COBLL1: variants seen among roughly 807,000 people sequenced by gnomAD.
COBLL1 encodes cordon-bleu protein-like 1.
A neutral mutation model predicts 94.8 loss-of-function variants in COBLL1; 50 were observed. That is an observed-to-expected ratio of 0.53 (90% CI 0.42 to 0.67). The LOEUF is 0.67. Ranked by LOEUF, COBLL1 falls within the 30% of genes least tolerant of loss-of-function variation. The pLI is 0.00. For missense variants in COBLL1, 1,362 were observed against 1,348.7 expected, an observed-to-expected ratio of 1.01 and a Z score of -0.15; for synonymous variants, 448 against 473.8, an observed-to-expected ratio of 0.95 and a Z score of 0.71.
At chr2:164,805,337 CTATA>C (rs71028444) in intron 2 of COBLL1, among the ~76,000 whole-genome samples, 49 of 17,008 alleles carry the variant, frequency 2.9e-3, no homozygotes, top group Admixed American at 7.7e-3. Context: ...CTCTCTCTCT[CTATA>C]TATATATATA....
intron 2 of COBLL1, among the ~76,000 whole-genome samples, chr2:164,836,676 A>T (rs1179736532): frequency 6.6e-6 from 1 of 152,252 alleles, no homozygotes; most frequent in Non-Finnish European, 1.5e-5. Context: ...AGCTACATGG[A>T]ATCTTTCAAA....
intron 2 of COBLL1, among the ~76,000 whole-genome samples, chr2:164,814,560 G>T (rs543495107): frequency 1.3e-5 from 2 of 151,936 alleles, no homozygotes; most frequent in African/African-American, 4.8e-5. Flanking sequence ...GTATACTGAC[G>T]GAGAGTAAAA....
chr2:164,743,895 CA>C lies in COBLL1; in HGVS notation c.42-21del. 7.0e-7 allele frequency: 1 copy of C among 1,435,308 alleles called. No homozygotes were observed. The highest frequency in any genetic ancestry group is 9.3e-7 in the Non-Finnish European group (1 of 1,076,170). The allele number at this position is 1,435,308 out of a possible 1,614,324, so 88.9% of individuals were successfully genotyped here. A position where few individuals can be genotyped will look rare whatever the true frequency, so the allele number is the denominator to read the frequency against. ...TTTCTCCTAAAATATAAAGAAAACA[CA>C]AAAAATACAAAATATTTTATTTTTA... On this transcript the variant is annotated intron_variant, in intron 2 of 13. Transcript: ENST00000652658.
chr2:164,799,019 C>CAAAAAAAAA (rs555113117), intron 2 of COBLL1, among the ~76,000 whole-genome samples: 5,354 of 69,398 alleles, frequency 0.077, 426 homozygotes, highest in Non-Finnish European at 0.088. Flanking sequence ...GACTCCGTCT[C>CAAAAAAAAA]AAAAAAAAAA....
intron 1 of COBLL1, among the ~76,000 whole-genome samples, chr2:164,670,293 AG>A (rs1440682243): frequency 5.3e-5 from 8 of 152,192 alleles, no homozygotes; most frequent in African/African-American, 1.7e-4. Flanking sequence ...GAGAAAAAAA[AG>A]TGCATAAATA....
At chr2:164,677,832 T>C (rs1691363334), downstream of COBLL1, among the ~76,000 whole-genome samples, 3 of 152,182 alleles carry the variant, frequency 2.0e-5, no homozygotes, top group African/African-American at 7.2e-5. Context: ...AAATGTTAGA[T>C]ATTATAGAAT....
At chr2:164,699,572 C>T (rs550952018) in intron 10 of COBLL1, 73 bp from the exon 11 acceptor site, 15 of 800,434 alleles carry the variant, frequency 1.9e-5, no homozygotes, top group Non-Finnish European at 3.0e-5. Context: ...CACAGACACA[C>T]ACACACACAA....
intron 9 of COBLL1, chr2:164,703,203 G>A (rs1394319634): frequency 1.2e-6 from 2 of 1,612,394 alleles, no homozygotes; most frequent in Non-Finnish European, 1.7e-6. Context: ...TGACTGGAAA[G>A]CCCAGGGTGA....
rs756566151 is a variant in COBLL1, at chr2:164,705,038, G to A, written c.1064C>T (p.Ser355Leu). The change falls in exon 8 of 14, where the codon TCA (serine) becomes TTA (leucine). Residue 355 changes from serine to leucine, a missense_variant. By Grantham distance (145) the Ser-to-Leu change is moderately radical. Coordinates refer to ENST00000652658, the MANE Select transcript of COBLL1 (RefSeq NM_001365672.2). Reference sequence around the variant, plus strand: ...TTTTCGCTTTGTCCTTCTCAAAGATGAATTCCCTGCAGACATGCTGCTGAG... The same window carrying A: ...TTTTCGCTTTGTCCTTCTCAAAGATAAATTCCCTGCAGACATGCTGCTGAG... ...LQLSSMSAGN[S>L]SLRRTKRKAP... 6.2e-7 allele frequency: 1 copy of A among 1,603,226 alleles called. No individual in the cohort carries two copies. Among genetic ancestry groups the A allele is most frequent in the Non-Finnish European group, 8.5e-7 (1 of 1,175,006 alleles).
intron 7 of COBLL1, among the ~76,000 whole-genome samples, chr2:164,706,384 G>A (rs562339848): frequency 1.2e-4 from 19 of 152,326 alleles, no homozygotes; most frequent in African/African-American, 2.4e-4. Flanking sequence ...GACACAGAGT[G>A]TGGTCTGTGA....
At chr2:164,708,414 CAA>C (rs1306658341) in intron 7 of COBLL1, among the ~76,000 whole-genome samples, 1 of 151,932 alleles carries the variant, frequency 6.6e-6, no homozygotes, top group African/African-American at 2.4e-5. Flanking sequence ...GGGCCCGCTG[CAA>C]CAAAAAGGTA....
intron 2 of COBLL1, among the ~76,000 whole-genome samples, chr2:164,748,927 T>G (rs1459209969): frequency 6.6e-6 from 1 of 152,182 alleles, no homozygotes; most frequent in Non-Finnish European, 1.5e-5. Flanking sequence ...ATTTGCATTA[T>G]TCAATAATAT....
downstream of COBLL1, among the ~76,000 whole-genome samples, chr2:164,676,869 CCTG>C (rs1691347627): frequency 6.6e-6 from 1 of 152,100 alleles, no homozygotes; most frequent in Non-Finnish European, 1.5e-5. Context: ...ACTCTCTAAA[CCTG>C]CTATTCATTT....
intron 2 of COBLL1, among the ~76,000 whole-genome samples, chr2:164,813,244 T>C (rs1209437129): frequency 1.3e-5 from 2 of 152,120 alleles, no homozygotes; most frequent in Non-Finnish European, 2.9e-5. Context: ...ATCTACATTG[T>C]CATATGAAAT....
chr2:164,818,488 TATAC>T (rs1684963364), intron 2 of COBLL1, among the ~76,000 whole-genome samples: 2 of 149,348 alleles, frequency 1.3e-5, no homozygotes, highest in East Asian at 3.9e-4. Context: ...AATGTATACA[TATAC>T]ATATTTACAA....
rs571748479 is a variant in COBLL1, at chr2:164,718,204, C to A, written c.996+3871G>T. On this transcript the variant is annotated intron_variant, in intron 7 of 13. Coordinates refer to ENST00000652658, the MANE Select transcript of COBLL1 (RefSeq NM_001365672.2). ...ACTTATCAATTCTCTTGAACACCTA[C>A]CATGTTACAGAATTTTGCTGGAGAA... 74 of 965,206 alleles carry A rather than the reference C, an allele frequency of 7.7e-5. 1 individual carries two copies. In the South Asian group the frequency reaches 3.3e-3, roughly 44 times the overall value. The allele number at this position is 965,206 out of a possible 1,614,324, so 59.8% of individuals were successfully genotyped here. A position where few individuals can be genotyped will look rare whatever the true frequency, so the allele number is the denominator to read the frequency against.
In COBLL1 at chr2:164,695,019, C is replaced by T. The variant is rs1034157973; in HGVS notation, c.2373G>A (p.Glu791=). ...GCTTCGGTTTAAGGTTTGGCAGTGG[C>T]TCTTCTGGGCTTTCAGAAATAGCAG... The part of the protein sequence containing the change: ...EDSAISESPE[E]PLPNLKPKPN... The change falls in exon 12 of 14, where the codon GAG becomes GAA. Residue 791 remains glutamate, a synonymous_variant. Transcript: ENST00000652658. 6.8e-6 allele frequency: 11 copies of T among 1,613,798 alleles called. No individual in the cohort carries two copies. Among genetic ancestry groups the T allele is most frequent in the East Asian group, 4.5e-5 (2 of 44,870 alleles).
rs776430141 is a variant in COBLL1, at chr2:164,721,235, C to T, written c.996+840G>A. ...TTCAACTAGACACAAGAAAACTTCTCAGTGTCTCAATTATCTCCAAATAAA... is the reference window on the plus strand; with the variant it reads ...TTCAACTAGACACAAGAAAACTTCTTAGTGTCTCAATTATCTCCAAATAAA... On this transcript the variant is annotated intron_variant, in intron 7 of 13. Coordinates refer to ENST00000652658, the MANE Select transcript of COBLL1 (RefSeq NM_001365672.2). Among the ~76,000 whole-genome samples, 86 of 152,280 alleles carry T rather than the reference C, an allele frequency of 5.6e-4. No homozygotes were observed. In the Middle Eastern group the frequency reaches 0.014, roughly 24 times the overall value.
In COBLL1 at chr2:164,805,321, CTCTCTCTCTCTCTCTCTATATATA is replaced by C. The variant is rs1340321463; in HGVS notation, c.41+35811_41+35834del. Among the ~76,000 whole-genome samples, 3 of 35,586 alleles carry C rather than the reference CTCTCTCTCTCTCTCTCTATATATA, an allele frequency of 8.4e-5. 1 individual carries two copies. Among genetic ancestry groups the C allele is most frequent in the African/African-American group, 3.3e-4 (3 of 8,974 alleles). 23.3% of individuals were successfully genotyped at this position (35,586 alleles called of 152,430 possible). On this transcript the variant is annotated intron_variant, in intron 2 of 13. Coordinates refer to ENST00000652658, the MANE Select transcript of COBLL1 (RefSeq NM_001365672.2). ...TCTCTCTCTCTCTCTCTCTCTCTCT[CTCTCTCTCTCTCTCTCTATATATA>C]TATATATATATATATATAAAACTAA...
Sources: allele counts gnomAD v4.1 joint callset (sites outside exome capture counted in the v4.1 genomes callset), GRCh38; gene constraint gnomAD v4.1.1; transcripts MANE v1.5; gene names NCBI Gene and HGNC (gene_info 2026-07-23, HGNC 2026-07-21).